ARHGEF9: variants seen among roughly 807,000 people sequenced by gnomAD.
The protein encoded by ARHGEF9 is Cdc42 guanine nucleotide exchange factor 9, also known as rho guanine nucleotide exchange factor 9.
In ARHGEF9, 2 loss-of-function variants were observed where a neutral mutation model predicts 41.3. The observed-to-expected ratio is 0.05, with a 90% CI of 0.02 to 0.15. The LOEUF (loss-of-function observed/expected upper bound fraction) is 0.15. Ranked by LOEUF, ARHGEF9 falls within the 10% of genes least tolerant of loss-of-function variation. The probability of loss-of-function intolerance (pLI) is 1.00; values close to 1 mark genes in which losing one functional copy is unlikely to be tolerated. For missense variants in ARHGEF9, 225 were observed against 424.7 expected (o/e 0.53, Z 4.13); for synonymous variants, 160 against 154.4 (o/e 1.04, Z -0.27).
chrX:63,718,592 C>T (rs1424227031), intron 2 of ARHGEF9, among the ~76,000 whole-genome samples: 1 of 111,668 alleles, frequency 9.0e-6, no homozygotes, highest in Non-Finnish European at 1.9e-5. Context: ...TGCTATGGGT[C>T]AACAATAGGG....
Position 63,637,587 on chromosome X carries a change from A to G in ARHGEF9, c.*441T>C. ...AAAATTCATCAACATCAGTATCATC[A>G]GAAAAAAAACAATACAAACACATCT... On this transcript the variant is annotated 3_prime_UTR_variant, in exon 10 of 10. Coordinates refer to ENST00000671741, the MANE Select transcript of ARHGEF9 (RefSeq NM_001353921.2). 4.4e-6 allele frequency: 1 copy of G among 226,834 alleles called. No individual in the cohort carries two copies. Among genetic ancestry groups the G allele is most frequent in the Non-Finnish European group, 7.9e-6 (1 of 126,699 alleles). The allele number at this position is 226,834 out of a possible 1,213,427, so 18.7% of individuals were successfully genotyped here.
At chrX:63,730,878 G>GA (rs1220198331) in intron 1 of ARHGEF9, among the ~76,000 whole-genome samples, 1 of 111,801 alleles carries the variant, frequency 8.9e-6, no homozygotes, top group Non-Finnish European at 1.9e-5. Context: ...GTTAACACAG[G>GA]AAAAAACTTG....
chrX:63,640,418 T>A (rs2047550056), intron 9 of ARHGEF9: 1 of 111,909 alleles, frequency 8.9e-6, no homozygotes, highest in South Asian at 3.8e-4. Flanking sequence ...TCACATTTTA[T>A]TCTTTTTCGA....
chrX:63,649,205 C>G (rs1369217577), intron 8 of ARHGEF9, among the ~76,000 whole-genome samples: 1 of 111,643 alleles, frequency 9.0e-6, no homozygotes, highest in East Asian at 2.8e-4. Context: ...CACTCCTCAG[C>G]AAATGTAAAA....
At chrX:63,685,912 T>A (rs1364984038) in intron 4 of ARHGEF9, among the ~76,000 whole-genome samples, 1 of 111,761 alleles carries the variant, frequency 8.9e-6, no homozygotes, top group Admixed American at 9.5e-5. Context: ...ACAAAAAGTA[T>A]GACCCATAAA....
chrX:63,654,159 C>CAAA, intron 8 of ARHGEF9, among the ~76,000 whole-genome samples: 1 of 90,189 alleles, frequency 1.1e-5, no homozygotes, highest in Non-Finnish European at 2.2e-5. Flanking sequence ...ATTATCAAAC[C>CAAA]AAAAAAAAAA....
chrX:63,637,846 CTGTGTGTGTGTGTGTGTGTGTGTG>C lies in ARHGEF9; in HGVS notation c.*158_*181del. 6.4e-6 allele frequency: 2 copies of C among 313,586 alleles called. No individual in the cohort carries two copies. Among genetic ancestry groups the C allele is most frequent in the South Asian group, 1.0e-4 (1 of 9,938 alleles). The allele number at this position is 313,586 out of a possible 1,213,427, so 25.8% of individuals were successfully genotyped here. On this transcript the variant is annotated 3_prime_UTR_variant, in exon 10 of 10. Coordinates refer to ENST00000671741, the MANE Select transcript of ARHGEF9 (RefSeq NM_001353921.2). The stretch of plus-strand genomic sequence containing the variant: ...GAAAACACTTTTGTTCCTTATCTCT[CTGTGTGTGTGTGTGTGTGTGTGTG>C]TGTGTGTGTGTCTGTGTGTGTGTGT...
intron 3 of ARHGEF9, among the ~76,000 whole-genome samples, chrX:63,701,030 TAACAG>T (rs1482025057): frequency 3.6e-5 from 4 of 111,942 alleles, no homozygotes; most frequent in African/African-American, 1.3e-4. Flanking sequence ...ATTGTTATGG[TAACAG>T]CAAGGAAAGC....
intron 8 of ARHGEF9, among the ~76,000 whole-genome samples, chrX:63,651,429 T>C (rs1485046325): frequency 9.0e-6 from 1 of 111,005 alleles, no homozygotes; most frequent in Non-Finnish European, 1.9e-5. Context: ...TAAGTATATA[T>C]GCAGAGTTAC....
intron 4 of ARHGEF9, among the ~76,000 whole-genome samples, chrX:63,684,651 G>A (rs2050866561): frequency 1.8e-5 from 2 of 110,695 alleles, no homozygotes; most frequent in East Asian, 2.8e-4. Flanking sequence ...GGATAAATGG[G>A]TAAAGAAACT....
chrX:63,766,861 T>A (rs2056121923), intron 1 of ARHGEF9: 1 of 329,942 alleles, frequency 3.0e-6, no homozygotes, highest in Non-Finnish European at 5.5e-6. Flanking sequence ...CGGCCCCTCA[T>A]CCACTCCGAC....
At chrX:63,708,433 A>T (rs1346912698) in intron 2 of ARHGEF9, among the ~76,000 whole-genome samples, 1 of 112,512 alleles carries the variant, frequency 8.9e-6, no homozygotes. Context: ...TATGAAGGAA[A>T]GGGGAAGCAG....
In ARHGEF9 at chrX:63,644,167, C is replaced by CAA. The variant is rs35995120; in HGVS notation, c.1322-121_1322-120dup. ...AAGACATATAAAAAATCTTGAAATA[C>CAA]AAAAAAAAAAAAAATCATTCCCTTT... On this transcript the variant is annotated intron_variant, in intron 8 of 9. Coordinates refer to ENST00000671741, the MANE Select transcript of ARHGEF9 (RefSeq NM_001353921.2). The CAA allele has an allele frequency of 0.011, 4,046 of 355,643 alleles. 50 individuals carry two copies. Among genetic ancestry groups the CAA allele is most frequent in the African/African-American group, 0.05 (1,670 of 33,095 alleles). 29.3% of individuals were successfully genotyped at this position (355,643 alleles called of 1,213,427 possible). A position where few individuals can be genotyped will look rare whatever the true frequency, so the allele number is the denominator to read the frequency against.
intron 4 of ARHGEF9, among the ~76,000 whole-genome samples, chrX:63,679,923 G>A (rs1301203287): frequency 8.9e-6 from 1 of 111,787 alleles, no homozygotes; most frequent in African/African-American, 3.3e-5. Flanking sequence ...TGACATAATT[G>A]TATATGCATA....
chrX:63,644,333 G>A lies in ARHGEF9; in HGVS notation c.1322-285C>T, dbSNP rs782072714. 48 of 181,453 alleles carry A rather than the reference G, an allele frequency of 2.6e-4. No homozygotes were observed. In the South Asian group the frequency reaches 8.7e-3, roughly 33 times the overall value. The allele number at this position is 181,453 out of a possible 1,213,427, so 15.0% of individuals were successfully genotyped here. A position where few individuals can be genotyped will look rare whatever the true frequency, so the allele number is the denominator to read the frequency against. On this transcript the variant is annotated intron_variant, in intron 8 of 9. Coordinates refer to ENST00000671741, the MANE Select transcript of ARHGEF9 (RefSeq NM_001353921.2). ...GCTAAGAGTCTGTTAATGGAGAATC[G>A]TTAAATAAAGCATGACATAGGGAAA...
Position 63,694,137 on chromosome X carries a change from T to C in ARHGEF9, c.582+2988A>G, listed in dbSNP as rs1477639630. On this transcript the variant is annotated intron_variant, in intron 4 of 9. Coordinates refer to ENST00000671741, the MANE Select transcript of ARHGEF9 (RefSeq NM_001353921.2). Reference sequence around the variant, plus strand: ...GGCAGAGGTTGCTACAAGCCAAGATTGCACCACTGCACTCCAGCCTGGGTA... The same window carrying C: ...GGCAGAGGTTGCTACAAGCCAAGATCGCACCACTGCACTCCAGCCTGGGTA... 2.8e-5 allele frequency among the ~76,000 whole-genome samples: 3 copies of C among 106,685 alleles called. No homozygotes were observed. The Admixed American group carries it at 3.0e-4, about 11-fold the overall frequency. 92.6% of individuals were successfully genotyped at this position (106,685 alleles called of 115,157 possible).
At chrX:63,744,134 C>T (rs1361064594) in intron 1 of ARHGEF9, among the ~76,000 whole-genome samples, 20 of 112,368 alleles carry the variant, frequency 1.8e-4, no homozygotes, top group African/African-American at 5.8e-4. Context: ...GTACATCTTC[C>T]ATTCAACCAA....
At chrX:63,666,165 A>G in intron 6 of ARHGEF9, 148 bp from the exon 7 acceptor site, 5 of 790,974 alleles carry the variant, frequency 6.3e-6, no homozygotes, top group Non-Finnish European at 9.1e-6. Context: ...GACTCCTGGG[A>G]CTCCTCAAAA....
rs782797880 is a variant in ARHGEF9, at chrX:63,653,546, GTTAC to G, written c.1321+1944_1321+1947del. Among the ~76,000 whole-genome samples, 105 of 111,180 alleles carry G rather than the reference GTTAC, an allele frequency of 9.4e-4. 1 individual carries two copies. In the South Asian group the frequency reaches 0.039, roughly 41 times the overall value. On this transcript the variant is annotated intron_variant, in intron 8 of 9. Transcript: ENST00000671741. The stretch of plus-strand genomic sequence containing the variant: ...AGATTCTATATTATTTATCTGGGGA[GTTAC>G]TTATGATAAATTAAGTTTAAAAAAG...
Sources: allele counts gnomAD v4.1 joint callset (sites outside exome capture counted in the v4.1 genomes callset), GRCh38; gene constraint gnomAD v4.1.1; transcripts MANE v1.5; gene names NCBI Gene and HGNC (gene_info 2026-07-23, HGNC 2026-07-21).